The following TNNT3 variants were observed in gnomAD, a reference collection of about 807,000 sequenced individuals.
TNNT3 encodes the protein troponin T, fast skeletal muscle.
A neutral mutation model predicts 54.2 loss-of-function variants in TNNT3; 36 were observed. That is an observed-to-expected ratio of 0.66 (90% CI 0.51 to 0.88). The LOEUF is 0.88. TNNT3 is among the 40% of genes least tolerant of loss of function. TNNT3 has a pLI of 0.00. For missense variants in TNNT3, 291 were observed against 331.6 expected (o/e 0.88, Z 0.95); for synonymous variants, 120 against 109.7 (o/e 1.09, Z -0.59).
At chr11:1,938,223 T>G (rs1855718211) in intron 15 of TNNT3, 1 of 607,038 alleles carries the variant, frequency 1.6e-6, no homozygotes, top group Non-Finnish European at 3.0e-6. Context: ...CGGGCTCACG[T>G]GCCAGCCCCC....
At position 1,934,920 on chromosome 11, in the gene TNNT3, G is replaced by T. The variant is rs113617037; in HGVS notation, c.681+1G>T. The T allele has an allele frequency of 6.2e-7, 1 of 1,613,268 alleles. No individual in the cohort carries two copies. Among genetic ancestry groups the T allele is most frequent in the Non-Finnish European group, 8.5e-7 (1 of 1,179,914 alleles). On this transcript the variant is annotated splice_donor_variant, in intron 14 of 15. Transcript: ENST00000278317. LOFTEE classifies it high-confidence loss of function. ...GAAGCTGAAACGCCAGAAATATGAC[G>T]TGAGTCCCGGCACCTCCGGCCCTGG...
intron 8 of TNNT3, among the ~76,000 whole-genome samples, chr11:1,932,243 G>A (rs1853594542): frequency 6.6e-6 from 1 of 152,252 alleles, no homozygotes; most frequent in African/African-American, 2.4e-5. Flanking sequence ...CGGTGGCGCT[G>A]GAAGCGGAAG....
chr11:1,932,597 C>G, intron 9 of TNNT3, 83 bp downstream of exon 9: 2 of 1,425,146 alleles, frequency 1.4e-6, no homozygotes, highest in Non-Finnish European at 2.0e-6. Flanking sequence ...AAGGTCACTT[C>G]CTCCCAAGTA....
intron 4 of TNNT3, 108 bp from the exon 5 acceptor site, chr11:1,924,991 G>A (rs1311610095): frequency 3.8e-6 from 5 of 1,327,040 alleles, no homozygotes; most frequent in Admixed American, 1.8e-5. Context: ...TCTTCTCCCG[G>A]CCAGCCGGCC....
rs376786651 is a variant in TNNT3 at position 1,923,562 on chromosome 11, C to G, written c.39C>G (p.Tyr13Ter). ...DEEVEQVEEQ[Y>*]EEEEEAQEEE... ...TGTTCTGTCCCAATGCAGAGCAGTA[C>G]GAAGAAGAAGGTAATTCTGGCAACC... The change falls in exon 4 of 16, where the codon TAC becomes TAG. Residue 13 changes from tyrosine to a stop codon, truncating the protein, a stop_gained. Coordinates refer to ENST00000278317, the MANE Select transcript of TNNT3 (RefSeq NM_006757.4). LOFTEE classifies it high-confidence loss of function. 7 of 1,613,946 alleles carry G rather than the reference C, an allele frequency of 4.3e-6. No homozygotes were observed. Among genetic ancestry groups the G allele is most frequent in the Non-Finnish European group, 4.2e-6 (5 of 1,179,958 alleles).
intron 6 of TNNT3, among the ~76,000 whole-genome samples, chr11:1,927,362 G>A (rs914097385): frequency 6.6e-6 from 1 of 152,230 alleles, no homozygotes; most frequent in Non-Finnish European, 1.5e-5. Context: ...GGGGCCGGCT[G>A]TACTGGGTGG....
intron 5 of TNNT3, chr11:1,925,479 C>A: frequency 1.6e-6 from 1 of 644,644 alleles, no homozygotes; most frequent in Non-Finnish European, 2.8e-6. Flanking sequence ...GGGTGGGCCC[C>A]CTTCCCCACA....
At chr11:1,926,562 G>A (rs934596455) in intron 5 of TNNT3, 133 bp from the exon 6 acceptor site, 188 of 1,608,760 alleles carry the variant, frequency 1.2e-4, no homozygotes, top group Non-Finnish European at 1.5e-4. Flanking sequence ...AAGAGGGGCC[G>A]CGTAACCCTG....
At chr11:1,922,107 G>A (rs78537234) in intron 1 of TNNT3, among the ~76,000 whole-genome samples, 11 of 152,208 alleles carry the variant, frequency 7.2e-5, no homozygotes, top group South Asian at 2.1e-4. Context: ...CCCGGCCCGG[G>A]GGGGTGCACG....
chr11:1,925,455 G>C (rs1012696397), intron 5 of TNNT3: 2 of 700,828 alleles, frequency 2.9e-6, no homozygotes, highest in Admixed American at 4.4e-5. Flanking sequence ...ACCAGAGAGA[G>C]AATGGGGTCT....
At chr11:1,932,037 G>A (rs1365114838) in intron 8 of TNNT3, among the ~76,000 whole-genome samples, 1 of 152,220 alleles carries the variant, frequency 6.6e-6, no homozygotes, top group African/African-American at 2.4e-5. Flanking sequence ...CAGAGAGAAA[G>A]ATGAAAGAGG....
intron 14 of TNNT3, among the ~76,000 whole-genome samples, chr11:1,936,485 G>A (rs541473668): frequency 4.7e-4 from 71 of 152,334 alleles, no homozygotes; most frequent in African/African-American, 1.7e-3. Context: ...TCCGCCTCAA[G>A]CCAGCAGCGG....
At chr11:1,926,401 G>T (rs910021962) in intron 5 of TNNT3, 2 of 1,601,096 alleles carry the variant, frequency 1.2e-6, no homozygotes, top group Admixed American at 3.3e-5. Flanking sequence ...CATTAACCTC[G>T]GACGCTTCTC....
At position 1,922,859 on chromosome 11, in the gene TNNT3, A is replaced by G. The variant is rs1564795658; in HGVS notation, c.-16A>G. The G allele has an allele frequency of 2.5e-6, 4 of 1,612,728 alleles. 1 individual carries two copies. The highest frequency in any genetic ancestry group is 1.3e-5 in the African/African-American group (1 of 74,828). On this transcript the variant is annotated splice_region_variant and 5_prime_UTR_variant, in exon 2 of 16. Transcript: ENST00000278317. The stretch of plus-strand genomic sequence containing the variant: ...TCTCTCTGAATCTCTCTCTGCAGAA[A>G]CCACCCACCTTCACCATGTCTGACG...
At chr11:1,928,965 C>A (rs2734483) in intron 6 of TNNT3, 155 bp from the exon 7 acceptor site, 2 of 854,198 alleles carry the variant, frequency 2.3e-6, no homozygotes, top group Non-Finnish European at 3.9e-6. Context: ...CAGCTTGGGG[C>A]ACTTGTAGGG....
chr11:1,927,611 C>A (rs1263320077), intron 6 of TNNT3, among the ~76,000 whole-genome samples: 1 of 152,150 alleles, frequency 6.6e-6, no homozygotes, highest in Non-Finnish European at 1.5e-5. Context: ...TGCTGGGCCG[C>A]TCTGGAACCA....
chr11:1,926,610 C>T, intron 5 of TNNT3, 85 bp from the exon 6 acceptor site: 1 of 1,608,934 alleles, frequency 6.2e-7, no homozygotes, highest in Admixed American at 1.7e-5. Context: ...CTCGGCCCTG[C>T]CCGCCCTCCT....
intron 7 of TNNT3, among the ~76,000 whole-genome samples, chr11:1,929,419 G>T (rs533615119): frequency 6.6e-6 from 1 of 152,286 alleles, no homozygotes; most frequent in East Asian, 1.9e-4. Context: ...CAGAGCCCGG[G>T]CCGGGCACGC....
rs753756081 is a variant in TNNT3 at position 1,936,971 on chromosome 11, G to A, written c.690G>A (p.Thr230=). Residue 230 remains threonine (T), a synonymous_variant, in exon 15 of 16, where the codon ACG becomes ACA. Coordinates refer to ENST00000278317, the MANE Select transcript of TNNT3 (RefSeq NM_006757.4). ...KLKRQKYDIT[T]LRSRIDQAQK... ...ACTCATGTTGTTCACAGATCACCAC[G>A]CTCAGGAGCCGCATTGACCAGGCCC... 3 of 1,606,304 alleles carry A rather than the reference G, an allele frequency of 1.9e-6. No individual in the cohort carries two copies. The highest frequency in any genetic ancestry group is 1.3e-5 in the African/African-American group (1 of 74,942).
Sources: allele counts gnomAD v4.1 joint callset (sites outside exome capture counted in the v4.1 genomes callset), GRCh38; gene constraint gnomAD v4.1.1; transcripts MANE v1.5; gene names NCBI Gene and HGNC (gene_info 2026-07-23, HGNC 2026-07-21).